The following NPSR1 variants were observed in gnomAD, a reference collection of about 807,000 sequenced individuals.
NPSR1 encodes the protein neuropeptide S receptor 1.
Under a neutral mutation model 46.9 loss-of-function variants are expected in NPSR1, and 48 were observed. The observed-to-expected ratio is 1.02, with a 90% CI of 0.81 to 1.30. The LOEUF is 1.30. Ranked by LOEUF, NPSR1 falls within the 50% of genes most tolerant of loss-of-function variation. The probability of loss-of-function intolerance (pLI) is 0.00; values close to 1 mark genes in which losing one functional copy is unlikely to be tolerated. For synonymous variants in NPSR1, 176 were observed against 168.1 expected (o/e 1.05, Z -0.36); for missense variants, 450 against 449.5 (o/e 1.00, Z -0.01).
intron 2 of NPSR1, among the ~76,000 whole-genome samples, chr7:34,705,926 T>C (rs1301375971): frequency 7.3e-6 from 1 of 136,090 alleles, no homozygotes; most frequent in East Asian, 2.2e-4. Context: ...TGTAGTACTT[T>C]GGGTAGTATT....
chr7:34,822,938 T>C (rs576336348), intron 4 of NPSR1, among the ~76,000 whole-genome samples: 1 of 152,254 alleles, frequency 6.6e-6, no homozygotes, highest in Admixed American at 6.5e-5. Flanking sequence ...ATAATAAATA[T>C]CCATAAACAA....
chr7:34,658,233 G>A lies in NPSR1; in HGVS notation c.-180G>A. The stretch of plus-strand genomic sequence containing the variant: ...GCTACCTGGTGGTAATTGCCAAGGA[G>A]AGAGCAGCACGTAGATCCTCCCTGT... On this transcript the variant is annotated 5_prime_UTR_variant, in exon 1 of 9. Coordinates refer to ENST00000360581, the MANE Select transcript of NPSR1 (RefSeq NM_207172.2). The A allele has an allele frequency of 3.2e-6, 2 of 630,644 alleles. No homozygotes were observed. Among genetic ancestry groups the A allele is most frequent in the East Asian group, 2.8e-5 (1 of 35,350 alleles). 39.1% of individuals were successfully genotyped at this position (630,644 alleles called of 1,614,324 possible). A position where few individuals can be genotyped will look rare whatever the true frequency, so the allele number is the denominator to read the frequency against.
intron 4 of NPSR1, among the ~76,000 whole-genome samples, chr7:34,819,909 C>G (rs564739944): frequency 2.0e-5 from 3 of 151,992 alleles, no homozygotes; most frequent in African/African-American, 4.8e-5. Context: ...CATCAGACAC[C>G]GGGGCCTGTC....
chr7:34,781,712 C>T (rs535374369), intron 3 of NPSR1, among the ~76,000 whole-genome samples: 3 of 152,304 alleles, frequency 2.0e-5, no homozygotes, highest in South Asian at 4.1e-4. Context: ...CACCACCTCT[C>T]CCAACCATGT....
At chr7:34,706,945 C>G (rs1312558158) in intron 2 of NPSR1, among the ~76,000 whole-genome samples, 2 of 151,978 alleles carry the variant, frequency 1.3e-5, no homozygotes, top group East Asian at 1.9e-4. Flanking sequence ...TTTCCTCCAC[C>G]AAGAAGAGCT....
At chr7:34,875,381 G>A (rs1040038880) in intron 8 of NPSR1, among the ~76,000 whole-genome samples, 58 of 152,296 alleles carry the variant, frequency 3.8e-4, no homozygotes, top group African/African-American at 1.4e-3. Context: ...ATTGAAGATT[G>A]AGAAGCCCTC....
chr7:34,698,603 A>C (rs1411920611), intron 2 of NPSR1, among the ~76,000 whole-genome samples: 1 of 152,222 alleles, frequency 6.6e-6, no homozygotes, highest in African/African-American at 2.4e-5. Context: ...TATAAAATTT[A>C]AACATCAGAA....
chr7:34,875,824 T>C (rs921531341), intron 8 of NPSR1, among the ~76,000 whole-genome samples: 8 of 151,912 alleles, frequency 5.3e-5, no homozygotes, highest in African/African-American at 1.7e-4. Flanking sequence ...TGGCAGAAAC[T>C]AGTCAAATGG....
chr7:34,862,378 A>C (rs1791210339), intron 8 of NPSR1, among the ~76,000 whole-genome samples: 1 of 151,512 alleles, frequency 6.6e-6, no homozygotes, highest in Admixed American at 6.6e-5. Context: ...CCTCCTCTGA[A>C]CTCTTAGGAT....
intron 2 of NPSR1, among the ~76,000 whole-genome samples, chr7:34,773,480 G>A (rs1415004330): frequency 6.6e-6 from 1 of 152,132 alleles, no homozygotes; most frequent in African/African-American, 2.4e-5. Context: ...TGTTGACTAT[G>A]ACTCAGAGAT....
intron 5 of NPSR1, among the ~76,000 whole-genome samples, chr7:34,830,197 A>T (rs1422092021): frequency 6.6e-6 from 1 of 151,900 alleles, no homozygotes; most frequent in African/African-American, 2.4e-5. Flanking sequence ...TTTATTACCT[A>T]TATTCTGGCC....
At chr7:34,784,366 C>T (rs557223743) in intron 3 of NPSR1, among the ~76,000 whole-genome samples, 2,741 of 152,086 alleles carry the variant, frequency 0.018, 46 homozygotes, top group Non-Finnish European at 0.02. Context: ...CCATCAATAC[C>T]GAATTTATTG....
intron 2 of NPSR1, among the ~76,000 whole-genome samples, chr7:34,716,388 T>C (rs953088187): frequency 6.6e-6 from 1 of 152,142 alleles, no homozygotes; most frequent in East Asian, 1.9e-4. Flanking sequence ...GACTTCAACT[T>C]TGACTTAAGA....
chr7:34,851,429 C>G (rs1052511606), downstream of NPSR1, among the ~76,000 whole-genome samples: 11 of 151,912 alleles, frequency 7.2e-5, no homozygotes, highest in Admixed American at 5.9e-4. Context: ...ATTTGAGGAG[C>G]CTGAATAATC....
chr7:34,669,774 A>C (rs1213308094), intron 1 of NPSR1, among the ~76,000 whole-genome samples: 1 of 152,166 alleles, frequency 6.6e-6, no homozygotes, highest in Non-Finnish European at 1.5e-5. Context: ...TGAGGCCCAG[A>C]GAAGTAAAGT....
chr7:34,829,749 T>A (rs969270960), intron 5 of NPSR1, among the ~76,000 whole-genome samples: 5 of 152,290 alleles, frequency 3.3e-5, no homozygotes, highest in African/African-American at 1.2e-4. Flanking sequence ...GGCTAGCTAG[T>A]GTGTCTTTTT....
intron 4 of NPSR1, among the ~76,000 whole-genome samples, chr7:34,820,102 T>G (rs762101764): frequency 1.3e-5 from 2 of 152,152 alleles, no homozygotes; most frequent in Non-Finnish European, 2.9e-5. Flanking sequence ...TTATGTTAAG[T>G]GCTCTTGCCA....
rs192649012 is a variant in NPSR1, at chr7:34,785,468, A to C, written c.384+6903A>C. 4.7e-3 allele frequency among the ~76,000 whole-genome samples: 715 copies of C among 151,832 alleles called. 3 individuals carry two copies. Among genetic ancestry groups the C allele is most frequent in the Admixed American group, 0.011 (166 of 15,242 alleles). ...AATGGGTGCAGCACACCAGCATGGCACATGTATACATATGTAACTAACCTG... is the reference window on the plus strand; with the variant it reads ...AATGGGTGCAGCACACCAGCATGGCCCATGTATACATATGTAACTAACCTG... On this transcript the variant is annotated intron_variant, in intron 3 of 8. Transcript: ENST00000360581.
intron 2 of NPSR1, among the ~76,000 whole-genome samples, chr7:34,690,454 A>G (rs1013260800): frequency 6.6e-6 from 1 of 152,318 alleles, no homozygotes; most frequent in East Asian, 1.9e-4. Context: ...TTGATTTTTA[A>G]AAAGCTCAAT....
Sources: gnomAD v4.1 joint callset for allele counts (sites outside exome capture counted in the v4.1 genomes callset) on GRCh38, gnomAD v4.1.1 for gene constraint, MANE v1.5 for transcripts, NCBI Gene and HGNC (gene_info 2026-07-23, HGNC 2026-07-21) for gene names.